Variants in MAGI2 observed in about 807,000 individuals in gnomAD.
MAGI2 encodes the protein membrane-associated guanylate kinase, WW and PDZ domain-containing protein 2.
MAGI2 carries 35 observed loss-of-function variants against 133.3 expected under a neutral mutation model. That is an observed-to-expected ratio of 0.26 (90% CI 0.20 to 0.35). The LOEUF (loss-of-function observed/expected upper bound fraction) is 0.35. Among genes scored for constraint, MAGI2 ranks in the 10% least tolerant of loss-of-function variants. The pLI is 1.00. For synonymous variants in MAGI2, 729 were observed against 710.6 expected (o/e 1.03, Z -0.41); for missense variants, 1,636 against 1,863.4 (o/e 0.88, Z 2.25).
intron 1 of MAGI2, among the ~76,000 whole-genome samples, chr7:79,020,970 A>C (rs187431553): frequency 1.7e-3 from 263 of 152,308 alleles, no homozygotes; most frequent in African/African-American, 5.9e-3. Context: ...GGTCCCCTAC[A>C]TGCCAGCTGC....
intron 9 of MAGI2, among the ~76,000 whole-genome samples, chr7:78,340,468 C>T (rs10464619): frequency 0.037 from 5,594 of 152,298 alleles, 156 homozygotes; most frequent in South Asian, 0.13. Context: ...ATGCCAGCAT[C>T]ATCCTGATAC....
chr7:79,031,064 G>A (rs982853854), intron 1 of MAGI2, among the ~76,000 whole-genome samples: 1 of 152,132 alleles, frequency 6.6e-6, no homozygotes, highest in Non-Finnish European at 1.5e-5. Context: ...TAGCAATCAT[G>A]TTCTTCATGA....
chr7:79,386,256 T>C (rs1406794726), intron 1 of MAGI2, among the ~76,000 whole-genome samples: 1 of 152,064 alleles, frequency 6.6e-6, no homozygotes, highest in Non-Finnish European at 1.5e-5. Context: ...GGTATTAACA[T>C]AGATATGCAT....
intron 2 of MAGI2, among the ~76,000 whole-genome samples, chr7:78,786,140 A>G (rs1390099856): frequency 6.8e-6 from 1 of 146,370 alleles, no homozygotes; most frequent in African/African-American, 2.6e-5. Flanking sequence ...TAGTGCTCAG[A>G]AAAAAAAAAC....
chr7:78,849,916 T>G (rs1314565701), intron 2 of MAGI2, among the ~76,000 whole-genome samples: 1 of 152,060 alleles, frequency 6.6e-6, no homozygotes, highest in Non-Finnish European at 1.5e-5. Flanking sequence ...AATTCAGCAC[T>G]AAATACTTCA....
chr7:78,166,843 G>A (rs1292284826), intron 15 of MAGI2, among the ~76,000 whole-genome samples: 1 of 152,064 alleles, frequency 6.6e-6, no homozygotes, highest in African/African-American at 2.4e-5. Flanking sequence ...GTGGTTGAAT[G>A]GGGTAGGGGA....
intron 7 of MAGI2, chr7:78,350,512 T>C (rs935262942): frequency 5.9e-5 from 9 of 152,342 alleles, no homozygotes; most frequent in Admixed American, 1.3e-4. Flanking sequence ...GAAGAGGTGT[T>C]GCATAAGGAG....
At chr7:79,292,598 A>AC (rs1836575965) in intron 1 of MAGI2, among the ~76,000 whole-genome samples, 1 of 151,716 alleles carries the variant, frequency 6.6e-6, no homozygotes. Flanking sequence ...ATGCCACTGC[A>AC]CTCCAGCCTG....
At chr7:78,937,696 A>G (rs1269350551) in intron 2 of MAGI2, among the ~76,000 whole-genome samples, 1 of 152,146 alleles carries the variant, frequency 6.6e-6, no homozygotes, top group African/African-American at 2.4e-5. Flanking sequence ...GTTACAGTGC[A>G]GTATACTAGT....
chr7:79,185,858 G>A (rs908117765), intron 1 of MAGI2, among the ~76,000 whole-genome samples: 2 of 151,812 alleles, frequency 1.3e-5, no homozygotes, highest in East Asian at 1.9e-4. Context: ...AAGCTCATCC[G>A]TGACAGAACT....
At chr7:78,119,394 A>T (rs1820193803) in intron 20 of MAGI2, among the ~76,000 whole-genome samples, 1 of 151,878 alleles carries the variant, frequency 6.6e-6, no homozygotes, top group African/African-American at 2.4e-5. Flanking sequence ...CCCCGTCTCT[A>T]CTAAAAGTAC....
intron 1 of MAGI2, among the ~76,000 whole-genome samples, chr7:79,114,087 G>A (rs370816087): frequency 6.6e-6 from 1 of 152,052 alleles, no homozygotes; most frequent in East Asian, 1.9e-4. Context: ...TCCAAACTGG[G>A]ATTGCCATTC....
At chr7:79,413,678 C>G (rs1309514666) in intron 1 of MAGI2, 1 of 151,222 alleles carries the variant, frequency 6.6e-6, no homozygotes, top group African/African-American at 2.4e-5. Context: ...TTCTTTCATC[C>G]TCTCTCAAAG....
chr7:79,020,067 A>G (rs573109412), intron 1 of MAGI2, among the ~76,000 whole-genome samples: 21 of 152,286 alleles, frequency 1.4e-4, no homozygotes, highest in Admixed American at 3.3e-4. Flanking sequence ...TGACCAAAAT[A>G]CTGATAGTGA....
At chr7:78,214,944 A>G (rs1262459932) in intron 10 of MAGI2, among the ~76,000 whole-genome samples, 1 of 152,188 alleles carries the variant, frequency 6.6e-6, no homozygotes, top group Non-Finnish European at 1.5e-5. Flanking sequence ...AGATAATTCT[A>G]ATGGTTCTGC....
intron 3 of MAGI2, among the ~76,000 whole-genome samples, chr7:78,586,145 G>A (rs1803380419): frequency 6.6e-6 from 1 of 152,218 alleles, no homozygotes; most frequent in Non-Finnish European, 1.5e-5. Flanking sequence ...GTGCTCTACA[G>A]CTGAGAGATT....
chr7:78,832,139 G>T (rs1284206600), intron 2 of MAGI2, among the ~76,000 whole-genome samples: 1 of 150,614 alleles, frequency 6.6e-6, no homozygotes, highest in Non-Finnish European at 1.5e-5. Flanking sequence ...CCTAACTAAA[G>T]CTGCTCAAAG....
At chr7:79,356,349 A>G (rs1842018020) in intron 1 of MAGI2, among the ~76,000 whole-genome samples, 1 of 152,172 alleles carries the variant, frequency 6.6e-6, no homozygotes, top group African/African-American at 2.4e-5. Flanking sequence ...AATCTACATC[A>G]GCAATCAGTA....
At chr7:78,043,691 C>T (rs1811096839) in intron 21 of MAGI2, among the ~76,000 whole-genome samples, 1 of 152,224 alleles carries the variant, frequency 6.6e-6, no homozygotes. Context: ...CAACTTTTCA[C>T]ATCGTCGTTT....
Sources: allele counts gnomAD v4.1 joint callset (sites outside exome capture counted in the v4.1 genomes callset), GRCh38; gene constraint gnomAD v4.1.1; transcripts MANE v1.5; gene names NCBI Gene and HGNC (gene_info 2026-07-23, HGNC 2026-07-21).